HIBCH: variants seen among roughly 807,000 people sequenced by gnomAD.
The protein encoded by HIBCH is 3-hydroxyisobutyryl-CoA hydrolase.
A neutral mutation model predicts 58.2 loss-of-function variants in HIBCH; 50 were observed. The observed-to-expected ratio is 0.86, with a 90% CI of 0.68 to 1.09. The LOEUF (loss-of-function observed/expected upper bound fraction) is 1.09. HIBCH is among the 50% of genes least tolerant of loss of function. The pLI is 0.00. For missense variants in HIBCH, 450 were observed against 449.7 expected, an observed-to-expected ratio of 1.00 and a Z score of -0.01; for synonymous variants, 151 against 146.9, an observed-to-expected ratio of 1.03 and a Z score of -0.20.
At position 190,216,416 on chromosome 2, in the gene HIBCH, C is replaced by G. The variant is rs1048553554; in HGVS notation, c.892-3341G>C. On this transcript the variant is annotated intron_variant, in intron 11 of 13. Coordinates refer to ENST00000359678, the MANE Select transcript of HIBCH (RefSeq NM_014362.4). The surrounding 1 kb of genome is among the most constrained non-coding windows in gnomAD (Gnocchi z 4.2). ...GTTGTTTTACTGAGAGGCTGTAAGT[C>G]CACCACGGGCAGCTGTCAGTAAGGC... Among the ~76,000 whole-genome samples the G allele has an allele frequency of 1.3e-5, 2 of 152,158 alleles. No homozygotes were observed. The highest frequency in any genetic ancestry group is 4.8e-5 in the African/African-American group (2 of 41,424).
In HIBCH at chr2:190,287,391, C is replaced by A. The variant is rs530594886; in HGVS notation, c.438+195G>T. ...AACATAACTAAGAACATAAAATATT[C>A]TTTTGGGCTGGGATAGTCTAAAAGT... is the stretch of plus-strand genomic sequence containing the variant. On this transcript the variant is annotated intron_variant, in intron 6 of 13. Coordinates refer to ENST00000359678, the MANE Select transcript of HIBCH (RefSeq NM_014362.4). 5.9e-5 allele frequency among the ~76,000 whole-genome samples: 9 copies of A among 152,252 alleles called. No homozygotes were observed. The South Asian group carries it at 1.7e-3, about 28-fold the overall frequency.
At chr2:190,261,365 G>A (rs1687085001) in intron 6 of HIBCH, 131 bp from the exon 7 acceptor site, 1 of 684,758 alleles carries the variant, frequency 1.5e-6, no homozygotes, top group Admixed American at 2.4e-5. Flanking sequence ...TTGCTTCAGG[G>A]AATAGGTTGT....
Position 190,296,887 on chromosome 2 carries a change from T to C in HIBCH, c.145A>G (p.Ile49Val), listed in dbSNP as rs1370340054. Residue 49 changes from isoleucine to valine, a missense_variant, in exon 3 of 14, where the codon ATA becomes GTA. Ile to Val is a conservative substitution (Grantham distance 29). Transcript: ENST00000359678. ...AGGAACTTTGGTCTGTTTAGTGTTA[T>C]GACTCCCGTGCAACCTTTTTTTTCC... ...LLEKKGCTGV[I>V]TLNRPKFLNA... is the part of the protein sequence containing the mutation. The C allele has an allele frequency of 1.2e-6, 2 of 1,613,836 alleles. No homozygotes were observed. The highest frequency in any genetic ancestry group is 1.7e-6 in the Non-Finnish European group (2 of 1,179,828).
rs574202428 is a variant in HIBCH at position 190,211,083 on chromosome 2, T to A, written c.1011+1873A>T. Among the ~76,000 whole-genome samples the A allele has an allele frequency of 6.6e-6, 1 of 152,294 alleles. No individual in the cohort carries two copies. The highest frequency in any genetic ancestry group is 1.5e-5 in the Non-Finnish European group (1 of 68,026). On this transcript the variant is annotated intron_variant, in intron 12 of 13. Transcript: ENST00000359678. This position sits in a 1 kb window ranked among gnomAD's most constrained non-coding sequence, Gnocchi z 5.0. ...CTCCCCAAGATAATGATTTAAACTGTTTTCTGCCTTTTCAACCTCAACCCC... is the reference window on the plus strand; with the variant it reads ...CTCCCCAAGATAATGATTTAAACTGATTTCTGCCTTTTCAACCTCAACCCC...
At chr2:190,286,270 G>A (rs1470873606) in intron 6 of HIBCH, among the ~76,000 whole-genome samples, 3 of 152,124 alleles carry the variant, frequency 2.0e-5, no homozygotes, top group African/African-American at 7.2e-5. Context: ...TATTACTACT[G>A]AATAATACCG....
intron 11 of HIBCH, among the ~76,000 whole-genome samples, chr2:190,231,609 T>G (rs1400727304): frequency 1.3e-5 from 2 of 152,094 alleles, no homozygotes; most frequent in African/African-American, 2.4e-5. Flanking sequence ...AGCTTTCCCC[T>G]TAAGACTGGG....
intron 11 of HIBCH, among the ~76,000 whole-genome samples, chr2:190,219,905 G>A (rs960717651): frequency 1.3e-5 from 2 of 152,210 alleles, no homozygotes; most frequent in Non-Finnish European, 2.9e-5. Context: ...TAAAGAAGAT[G>A]AAGGAGTAGA....
intron 11 of HIBCH, among the ~76,000 whole-genome samples, chr2:190,226,595 CAAAAAAAAAA>C (rs752856547): frequency 2.7e-4 from 8 of 29,394 alleles, no homozygotes; most frequent in South Asian, 1.3e-3. Context: ...AACTCCGTCT[CAAAAAAAAAA>C]AAAAAAAAAA....
intron 9 of HIBCH, among the ~76,000 whole-genome samples, chr2:190,246,473 C>T (rs578127181): frequency 2.2e-4 from 33 of 152,314 alleles, no homozygotes; most frequent in African/African-American, 7.7e-4. Flanking sequence ...ACCACTATTA[C>T]ATTTGACACA....
At chr2:190,286,088 C>T (rs2105980309) in intron 6 of HIBCH, among the ~76,000 whole-genome samples, 1 of 152,200 alleles carries the variant, frequency 6.6e-6, no homozygotes, top group Middle Eastern at 3.4e-3. Flanking sequence ...GCGATTTACC[C>T]ACCTCAGCCT....
rs764946811 is a variant in HIBCH, at chr2:190,259,329, G to GTGTA, written c.517+1826_517+1827insTACA. Among the ~76,000 whole-genome samples the GTGTA allele has an allele frequency of 1.8e-4, 18 of 100,922 alleles. No homozygotes were observed. The East Asian group carries it at 5.7e-3, about 32-fold the overall frequency. The allele number at this position is 100,922 out of a possible 152,430, so 66.2% of individuals were successfully genotyped here. On this transcript the variant is annotated intron_variant, in intron 7 of 13. Transcript: ENST00000359678. ...GTTTTCAGTATACAGATGTGTGTGT[G>GTGTA]TGTGTGTGTGTGTGTGTGTGTGTGT...
At chr2:190,266,314 C>T (rs1325925253) in intron 6 of HIBCH, among the ~76,000 whole-genome samples, 3 of 152,150 alleles carry the variant, frequency 2.0e-5, no homozygotes, top group Non-Finnish European at 4.4e-5. Flanking sequence ...TGAAAATATA[C>T]GTACTCAGTA....
intron 6 of HIBCH, among the ~76,000 whole-genome samples, chr2:190,277,792 G>A (rs182918158): frequency 1.3e-5 from 2 of 152,170 alleles, no homozygotes; most frequent in African/African-American, 2.4e-5. Context: ...AATGCCTTGC[G>A]GTAGCCAATC....
At chr2:190,245,587 A>G (rs907687655) in intron 10 of HIBCH, among the ~76,000 whole-genome samples, 1 of 151,864 alleles carries the variant, frequency 6.6e-6, no homozygotes, top group African/African-American at 2.4e-5. Context: ...CCCCACTTTA[A>G]AAAAAAAGGT....
At position 190,227,563 on chromosome 2, in the gene HIBCH, G is replaced by C. The variant is rs182287582; in HGVS notation, c.892-14488C>G. On this transcript the variant is annotated intron_variant, in intron 11 of 13. Coordinates refer to ENST00000359678, the MANE Select transcript of HIBCH (RefSeq NM_014362.4). ...AACAATGGCAACAAAAGCCAAAATT[G>C]ACAAATGGGATCTAATTAAACAGCA... Among the ~76,000 whole-genome samples the C allele has an allele frequency of 3.1e-3, 470 of 152,276 alleles. 4 individuals carry two copies. Among genetic ancestry groups the C allele is most frequent in the Middle Eastern group, 0.02 (6 of 294 alleles).
rs181581808 is a variant in HIBCH at position 190,237,208 on chromosome 2, A to G, written c.891+7679T>C. 5.7e-3 allele frequency among the ~76,000 whole-genome samples: 871 copies of G among 152,364 alleles called. 3 individuals carry two copies. Among genetic ancestry groups the G allele is most frequent in the Non-Finnish European group, 9.6e-3 (654 of 68,026 alleles). On this transcript the variant is annotated intron_variant, in intron 11 of 13. Transcript: ENST00000359678. Reference sequence around the variant, plus strand: ...TAGCCCCACAATCAAGATATAGAACATTTCTAACACTCCAAAGAGTTCTCC... The same window carrying G: ...TAGCCCCACAATCAAGATATAGAACGTTTCTAACACTCCAAAGAGTTCTCC...
chr2:190,264,020 C>T (rs1687164293), intron 6 of HIBCH, among the ~76,000 whole-genome samples: 1 of 152,184 alleles, frequency 6.6e-6, no homozygotes, highest in Admixed American at 6.5e-5. Context: ...CTTGCCCAGG[C>T]TGGTGTATCT....
At chr2:190,248,214 A>G (rs368669941) in intron 9 of HIBCH, among the ~76,000 whole-genome samples, 3 of 152,308 alleles carry the variant, frequency 2.0e-5, no homozygotes. Context: ...CAAAGCACTA[A>G]AATTAGGAAG....
At chr2:190,319,555 C>T (rs1357599953) in intron 1 of HIBCH, among the ~76,000 whole-genome samples, 161 bp downstream of exon 1, 1 of 141,492 alleles carries the variant, frequency 7.1e-6, no homozygotes, top group Non-Finnish European at 1.5e-5. Flanking sequence ...AAGACAGGGA[C>T]GGGGGCTGGG....
Sources: gnomAD v4.1 joint callset for allele counts (sites outside exome capture counted in the v4.1 genomes callset) on GRCh38, gnomAD v4.1.1 for gene constraint, Gnocchi (gnomAD v3.1) non-coding constraint, MANE v1.5 for transcripts, NCBI Gene and HGNC (gene_info 2026-07-23, HGNC 2026-07-21) for gene names.